CSGALNACT1: variants seen among roughly 807,000 people sequenced by gnomAD.
CSGALNACT1 encodes beta4GalNAcT-1.
In CSGALNACT1, 52 loss-of-function variants were observed where a neutral mutation model predicts 51.0. The observed-to-expected ratio is 1.02, with a 90% confidence interval of 0.82 to 1.29. The LOEUF is 1.29. CSGALNACT1 is among the 50% of genes most tolerant of loss of function. CSGALNACT1 has a pLI of 0.00. For missense variants in CSGALNACT1, 935 were observed against 679.2 expected (o/e 1.38, Z -4.19); for synonymous variants, 341 against 254.4 (o/e 1.34, Z -3.24).
At chr8:19,579,217 G>A (rs576538696) in intron 3 of CSGALNACT1, among the ~76,000 whole-genome samples, 3 of 152,232 alleles carry the variant, frequency 2.0e-5, no homozygotes, top group Non-Finnish European at 1.5e-5. Context: ...CTTTGATCTG[G>A]CCCCAGCTCC....
intron 4 of CSGALNACT1, among the ~76,000 whole-genome samples, chr8:19,459,725 G>C (rs1237281209): frequency 2.0e-5 from 3 of 152,150 alleles, no homozygotes; most frequent in African/African-American, 2.4e-5. Context: ...TTTCCCCAAA[G>C]GTTACTGTGA....
intron 3 of CSGALNACT1, among the ~76,000 whole-genome samples, chr8:19,553,620 C>CATATATATACATATATATATATAT (rs2088820252): frequency 1.4e-5 from 1 of 71,580 alleles, no homozygotes; most frequent in African/African-American, 9.2e-5. Context: ...TATATAAATA[C>CATATATATACATATATATATATAT]ATATATATAT....
In CSGALNACT1 at chr8:19,532,693, T is replaced by C. The variant is rs140574344; in HGVS notation, c.-296-26563A>G. Among the ~76,000 whole-genome samples, 1,153 of 152,304 alleles carry C rather than the reference T, an allele frequency of 7.6e-3. 9 individuals are homozygous for C. The highest frequency in any genetic ancestry group is 0.01 in the Non-Finnish European group (705 of 68,022). The stretch of plus-strand genomic sequence containing the variant: ...TATTCCAGTCATACGAGTACTCAGA[T>C]GGCAGAAGGTGCCTGAAGAGGTAGT... On this transcript the variant is annotated intron_variant, in intron 3 of 9. Transcript: ENST00000454498.
intron 3 of CSGALNACT1, among the ~76,000 whole-genome samples, chr8:19,539,758 A>G (rs900214794): frequency 1.3e-4 from 20 of 152,216 alleles, no homozygotes; most frequent in Non-Finnish European, 8.8e-5. Context: ...AATGTTGGCC[A>G]CATTGACTGT....
intron 1 of CSGALNACT1, among the ~76,000 whole-genome samples, chr8:19,637,838 A>G (rs2056272284): frequency 1.1e-5 from 1 of 89,776 alleles, no homozygotes. Context: ...CAGCCTGACC[A>G]GTTTTTTTTT....
rs1166804917 is a variant in CSGALNACT1, at chr8:19,586,876, T to C, written c.-297+4284A>G. On this transcript the variant is annotated intron_variant, in intron 3 of 9. Coordinates refer to ENST00000454498, the Ensembl canonical transcript of CSGALNACT1. ...TCGTACCCTACCAGAGAGGAATCCA[T>C]TACATAGTATTTTCCCAAACTTATT... 2.0e-5 allele frequency among the ~76,000 whole-genome samples: 3 copies of C among 152,298 alleles called. No individual in the cohort carries two copies. The East Asian group carries it at 5.8e-4, about 29-fold the overall frequency.
intron 6 of CSGALNACT1, among the ~76,000 whole-genome samples, chr8:19,425,820 T>C (rs906673127): frequency 2.6e-5 from 4 of 152,180 alleles, no homozygotes; most frequent in African/African-American, 4.8e-5. Context: ...ATCTTCTCAC[T>C]GTTCTCTTCC....
chr8:19,411,250 C>T (rs1418405422), intron 8 of CSGALNACT1, among the ~76,000 whole-genome samples: 1 of 152,196 alleles, frequency 6.6e-6, no homozygotes, highest in Non-Finnish European at 1.5e-5. Flanking sequence ...CTGCACTGGA[C>T]CCCTGGTTTA....
chr8:19,585,331 G>A (rs967167179), intron 3 of CSGALNACT1: 1 of 152,202 alleles, frequency 6.6e-6, no homozygotes, highest in Non-Finnish European at 1.5e-5. Context: ...CTGTGGCAAG[G>A]TGAGTGACCA....
At chr8:19,440,061 T>C (rs1484897895) in intron 5 of CSGALNACT1, 130 bp from the exon 5 acceptor site, 1 of 754,048 alleles carries the variant, frequency 1.3e-6, no homozygotes, top group Non-Finnish European at 2.3e-6. Context: ...AGAGCCGAGA[T>C]GGGAATCCAG....
At chr8:19,481,286 T>A (rs2071318579) in intron 4 of CSGALNACT1, among the ~76,000 whole-genome samples, 2 of 152,124 alleles carry the variant, frequency 1.3e-5, no homozygotes, top group Admixed American at 1.3e-4. Flanking sequence ...TGCCCCATAC[T>A]CCTGGTTGGC....
Position 19,458,455 on chromosome 8 carries a change from GTCCA to G in CSGALNACT1, c.818_821del (p.Val273AlafsTer33). On this transcript the variant is annotated frameshift_variant, in exon 5 of 10. Transcript: ENST00000454498. LOFTEE classifies it high-confidence loss of function. ...AATTCTGCATGAACTGCCGGAACTT[GTCCA>G]CCCTTTTTGCTAGAGGCACGATAAC... 6.2e-7 allele frequency: 1 copy of G among 1,614,188 alleles called. No individual in the cohort carries two copies. Among genetic ancestry groups the G allele is most frequent in the South Asian group, 1.1e-5 (1 of 91,080 alleles).
At chr8:19,743,956 AATAAG>A (rs576877294) in intron 1 of CSGALNACT1, among the ~76,000 whole-genome samples, 155 of 152,276 alleles carry the variant, frequency 1.0e-3, no homozygotes, top group Non-Finnish European at 1.8e-3. Context: ...CTGGCACTCT[AATAAG>A]AAAGGAAAAA....
At chr8:19,580,798 T>C (rs2045397803) in intron 3 of CSGALNACT1, among the ~76,000 whole-genome samples, 1 of 152,100 alleles carries the variant, frequency 6.6e-6, no homozygotes, top group Non-Finnish European at 1.5e-5. Context: ...ATATTAAAGA[T>C]AGAGAATCTT....
intron 3 of CSGALNACT1, among the ~76,000 whole-genome samples, chr8:19,575,655 G>T (rs929715806): frequency 2.6e-5 from 4 of 152,190 alleles, no homozygotes; most frequent in African/African-American, 7.2e-5. Flanking sequence ...GAGAAATTTT[G>T]TTAGAAGTAG....
At chr8:19,687,216 A>T (rs1270772362), upstream of CSGALNACT1, among the ~76,000 whole-genome samples, 1 of 152,166 alleles carries the variant, frequency 6.6e-6, no homozygotes, top group African/African-American at 2.4e-5. Flanking sequence ...CTTTTTCTCT[A>T]GTTGGTCATC....
chr8:19,569,771 G>T (rs1246859500), intron 3 of CSGALNACT1, among the ~76,000 whole-genome samples: 1 of 152,140 alleles, frequency 6.6e-6, no homozygotes, highest in African/African-American at 2.4e-5. Context: ...AGGATATTTA[G>T]AAATTTTATC....
intron 3 of CSGALNACT1, among the ~76,000 whole-genome samples, chr8:19,546,541 T>G (rs986654808): frequency 2.6e-5 from 4 of 152,194 alleles, no homozygotes; most frequent in African/African-American, 9.6e-5. Context: ...TACAAGTTTC[T>G]TAAACAAATG....
At chr8:19,449,290 A>G (rs1003164013) in intron 5 of CSGALNACT1, among the ~76,000 whole-genome samples, 1 of 152,214 alleles carries the variant, frequency 6.6e-6, no homozygotes, top group African/African-American at 2.4e-5. Flanking sequence ...ATAGATTAGC[A>G]TCTCTCAAAC....
Sources: gnomAD v4.1 joint callset for allele counts (sites outside exome capture counted in the v4.1 genomes callset) on GRCh38, gnomAD v4.1.1 for gene constraint, MANE v1.5 for transcripts, NCBI Gene and HGNC (gene_info 2026-07-23, HGNC 2026-07-21) for gene names.